ROR2: variants seen among roughly 807,000 people sequenced by gnomAD.
ROR2 encodes the protein tyrosine-protein kinase transmembrane receptor ROR2.
A neutral mutation model predicts 74.9 loss-of-function variants in ROR2; 33 were observed. That is an observed-to-expected ratio of 0.44 (90% CI 0.33 to 0.59). The LOEUF is 0.59. Among genes scored for constraint, ROR2 ranks in the 20% least tolerant of loss-of-function variants. The probability of loss-of-function intolerance (pLI) is 0.02; values close to 1 mark genes in which losing one functional copy is unlikely to be tolerated. For missense variants in ROR2, 1,216 were observed against 1,313.8 expected, an observed-to-expected ratio of 0.93 and a Z score of 1.15; for synonymous variants, 586 against 558.7, an observed-to-expected ratio of 1.05 and a Z score of -0.69.
At chr9:91,814,972 T>C (rs1327993576) in intron 1 of ROR2, among the ~76,000 whole-genome samples, 1 of 152,182 alleles carries the variant, frequency 6.6e-6, no homozygotes, top group Non-Finnish European at 1.5e-5. Context: ...TCGGTGACAA[T>C]GCCTCGAAGC....
At chr9:91,788,203 G>A (rs561472888) in intron 1 of ROR2, among the ~76,000 whole-genome samples, 7 of 151,952 alleles carry the variant, frequency 4.6e-5, no homozygotes, top group Non-Finnish European at 1.0e-4. Context: ...AATGAACAGA[G>A]CCTAAGAGAC....
intron 1 of ROR2, among the ~76,000 whole-genome samples, chr9:91,834,324 G>A (rs191539832): frequency 2.6e-5 from 4 of 152,202 alleles, no homozygotes; most frequent in South Asian, 2.1e-4. Flanking sequence ...ACGTCCCCGC[G>A]TGCAAACCCA....
At chr9:91,726,802 C>T (rs1312861176) in intron 7 of ROR2, 59 bp from the exon 8 acceptor site, 3 of 1,546,878 alleles carry the variant, frequency 1.9e-6, no homozygotes, top group African/African-American at 2.7e-5. Context: ...ACTCTAAGTT[C>T]TCTACCAACC....
chr9:91,950,110 C>T lies in ROR2; in HGVS notation c.-147G>A, dbSNP rs1273206894. 2.3e-6 allele frequency: 1 copy of T among 434,634 alleles called. No homozygotes were observed. The highest frequency in any genetic ancestry group is 2.1e-5 in the African/African-American group (1 of 47,556). The allele number at this position is 434,634 out of a possible 1,614,324, so 26.9% of individuals were successfully genotyped here. On this transcript the variant is annotated 5_prime_UTR_variant, in exon 1 of 9. Coordinates refer to ENST00000375708, the MANE Select transcript of ROR2 (RefSeq NM_004560.4). ...CCACTTCGAGGACCTCGTCGTCGTC[C>T]TCTTCTCCGGCCCGGATGCGCCGCT...
At chr9:91,913,682 C>T (rs911232560) in intron 1 of ROR2, among the ~76,000 whole-genome samples, 11 of 152,186 alleles carry the variant, frequency 7.2e-5, no homozygotes, top group African/African-American at 2.7e-4. Flanking sequence ...TCCTCTGTTC[C>T]GGCCAGTCTG....
intron 1 of ROR2, among the ~76,000 whole-genome samples, chr9:91,807,166 ATATCC>A (rs1827596272): frequency 1.3e-5 from 2 of 152,202 alleles, no homozygotes; most frequent in Non-Finnish European, 2.9e-5. Flanking sequence ...GAGTTAGATC[ATATCC>A]TTTTTATCCA....
intron 1 of ROR2, among the ~76,000 whole-genome samples, chr9:91,787,249 G>A (rs751883672): frequency 6.6e-6 from 1 of 152,188 alleles, no homozygotes; most frequent in Non-Finnish European, 1.5e-5. Context: ...GGTGGCTCAC[G>A]CCTGTAATCC....
chr9:91,857,407 G>A (rs535111708), intron 1 of ROR2, among the ~76,000 whole-genome samples: 34 of 152,328 alleles, frequency 2.2e-4, no homozygotes, highest in African/African-American at 7.9e-4. Flanking sequence ...GGCTTCGGCA[G>A]GATTTTTACA....
At chr9:91,808,744 G>T (rs1827646883) in intron 1 of ROR2, among the ~76,000 whole-genome samples, 1 of 152,114 alleles carries the variant, frequency 6.6e-6, no homozygotes, top group Non-Finnish European at 1.5e-5. Context: ...GGATCACGAG[G>T]TCAGGAGATC....
chr9:91,816,188 C>T (rs1239493822), intron 1 of ROR2, among the ~76,000 whole-genome samples: 1 of 152,160 alleles, frequency 6.6e-6, no homozygotes, highest in Non-Finnish European at 1.5e-5. Flanking sequence ...TCACGGTAGC[C>T]ACCAGCAACC....
At chr9:91,787,766 G>T (rs1243378791) in intron 1 of ROR2, among the ~76,000 whole-genome samples, 1 of 152,044 alleles carries the variant, frequency 6.6e-6, no homozygotes. Flanking sequence ...CACAAGACAT[G>T]CCAGGAAACA....
At chr9:91,935,451 C>T (rs1449650018) in intron 1 of ROR2, among the ~76,000 whole-genome samples, 2 of 152,256 alleles carry the variant, frequency 1.3e-5, no homozygotes, top group Non-Finnish European at 2.9e-5. Context: ...TTGGTCCTAA[C>T]ACAGCCTCCC....
intron 4 of ROR2, among the ~76,000 whole-genome samples, chr9:91,754,386 G>A (rs1234826687): frequency 1.3e-5 from 2 of 152,044 alleles, no homozygotes; most frequent in African/African-American, 4.8e-5. Flanking sequence ...GCCGGGTGCA[G>A]TGGCTCATGC....
intron 1 of ROR2, among the ~76,000 whole-genome samples, chr9:91,926,219 T>TA (rs113100413): frequency 0.047 from 6,724 of 143,294 alleles, 399 homozygotes; most frequent in East Asian, 0.22. Flanking sequence ...ATCTCTACTT[T>TA]AAAAAAAAAA....
chr9:91,793,179 G>A (rs889606381), intron 1 of ROR2, among the ~76,000 whole-genome samples: 3 of 152,052 alleles, frequency 2.0e-5, no homozygotes, highest in Admixed American at 6.5e-5. Context: ...AAACAGACAA[G>A]CACATCTTCC....
At chr9:91,945,389 TA>T (rs1311006786) in intron 1 of ROR2, among the ~76,000 whole-genome samples, 1 of 152,188 alleles carries the variant, frequency 6.6e-6, no homozygotes, top group African/African-American at 2.4e-5. Context: ...TGGAAACCAT[TA>T]GGCTAGGAGT....
intron 1 of ROR2, among the ~76,000 whole-genome samples, chr9:91,841,397 G>A (rs542249949): frequency 2.0e-5 from 3 of 152,194 alleles, no homozygotes; most frequent in Non-Finnish European, 2.9e-5. Context: ...CTTAGGTCTC[G>A]GAATGTGGCT....
At chr9:91,825,993 A>G (rs985009499) in intron 1 of ROR2, among the ~76,000 whole-genome samples, 1 of 152,174 alleles carries the variant, frequency 6.6e-6, no homozygotes, top group East Asian at 1.9e-4. Context: ...GGCTCTTAGG[A>G]ACTCTCACTG....
chr9:91,867,676 G>C (rs1272833471), intron 1 of ROR2, among the ~76,000 whole-genome samples: 1 of 151,444 alleles, frequency 6.6e-6, no homozygotes, highest in Non-Finnish European at 1.5e-5. Flanking sequence ...GTGTGTGTGT[G>C]TGTGTGTGTG....
Sources: gnomAD v4.1 joint callset for allele counts (sites outside exome capture counted in the v4.1 genomes callset) on GRCh38, gnomAD v4.1.1 for gene constraint, MANE v1.5 for transcripts, NCBI Gene and HGNC (gene_info 2026-07-23, HGNC 2026-07-21) for gene names.